Variants in EPN2 observed in about 807,000 individuals in gnomAD.
EPN2 encodes epsin-2.
EPN2 carries 34 observed loss-of-function variants against 61.7 expected under a neutral mutation model. That is an observed-to-expected ratio of 0.55 (90% CI 0.42 to 0.73). The LOEUF (loss-of-function observed/expected upper bound fraction) is 0.73. Among genes scored for constraint, EPN2 ranks in the 30% least tolerant of loss-of-function variants. The pLI is 0.00. For synonymous variants in EPN2, 349 were observed against 353.6 expected, an observed-to-expected ratio of 0.99 and a Z score of 0.15; for missense variants, 714 against 839.2, an observed-to-expected ratio of 0.85 and a Z score of 1.84.
chr17:19,238,137 G>C (rs1268436713), intron 1 of EPN2, among the ~76,000 whole-genome samples: 1 of 152,228 alleles, frequency 6.6e-6, no homozygotes, highest in African/African-American at 2.4e-5. Context: ...CACTCCCACG[G>C]AACAGCGGGG....
At chr17:19,293,320 C>A (rs2045483073) in intron 4 of EPN2, among the ~76,000 whole-genome samples, 1 of 145,676 alleles carries the variant, frequency 6.9e-6, no homozygotes, top group South Asian at 2.1e-4. Context: ...GCAGAGGTTG[C>A]AGTGAGCCGA....
At chr17:19,253,879 A>C (rs2045044046) in intron 1 of EPN2, among the ~76,000 whole-genome samples, 1 of 152,210 alleles carries the variant, frequency 6.6e-6, no homozygotes, top group South Asian at 2.1e-4. Flanking sequence ...TCATACATGT[A>C]ATACCAGCAC....
At chr17:19,290,268 G>T (rs1289140781) in intron 4 of EPN2, among the ~76,000 whole-genome samples, 1 of 152,166 alleles carries the variant, frequency 6.6e-6, no homozygotes, top group Non-Finnish European at 1.5e-5. Context: ...GCAACCTGGT[G>T]GGGGTGAGCA....
chr17:19,250,412 A>G (rs2045002689), intron 1 of EPN2, among the ~76,000 whole-genome samples: 2 of 152,014 alleles, frequency 1.3e-5, no homozygotes, highest in Admixed American at 6.5e-5. Context: ...CTTAAATTCT[A>G]ACTGCTACCT....
intron 1 of EPN2, among the ~76,000 whole-genome samples, chr17:19,239,933 A>G (rs1443569422): frequency 2.6e-5 from 4 of 152,178 alleles, no homozygotes; most frequent in African/African-American, 7.2e-5. Context: ...GGATTTCCCA[A>G]GAATTGGGAT....
rs1355330075 is a variant in EPN2 at position 19,295,356 on chromosome 17, A to ACGCG, written c.766+9567_766+9568insGCGC. 2.1e-3 allele frequency among the ~76,000 whole-genome samples: 137 copies of ACGCG among 66,532 alleles called. 1 individual carries two copies. The highest frequency in any genetic ancestry group is 6.4e-3 in the East Asian group (21 of 3,270). 43.6% of individuals were successfully genotyped at this position (66,532 alleles called of 152,430 possible). A position where few individuals can be genotyped will look rare whatever the true frequency, so the allele number is the denominator to read the frequency against. ...CTATTAAAAATACACACACACACAC[A>ACGCG]CACACACACACGCGCGTGCGCGCAA... On this transcript the variant is annotated intron_variant, in intron 4 of 10. Coordinates refer to ENST00000314728, the MANE Select transcript of EPN2 (RefSeq NM_014964.5).
chr17:19,281,260 G>A (rs375227906), intron 1 of EPN2, among the ~76,000 whole-genome samples: 15 of 152,138 alleles, frequency 9.9e-5, no homozygotes, highest in Non-Finnish European at 1.5e-4. Flanking sequence ...GGTCTTTCTG[G>A]TAACCAGCCC....
chr17:19,238,631 G>T (rs903881653), intron 1 of EPN2, among the ~76,000 whole-genome samples: 3 of 152,188 alleles, frequency 2.0e-5, no homozygotes, highest in South Asian at 2.1e-4. Context: ...CCAAGGTCAC[G>T]CAGTGATACT....
At chr17:19,300,678 T>C (rs1169252635) in intron 4 of EPN2, among the ~76,000 whole-genome samples, 2 of 152,182 alleles carry the variant, frequency 1.3e-5, no homozygotes, top group African/African-American at 4.8e-5. Flanking sequence ...TCCATCCGCC[T>C]TGGCCTCCCA....
In EPN2 at chr17:19,320,785, C is replaced by G. The variant is rs1598020999; in HGVS notation, c.1147+7506C>G. Among the ~76,000 whole-genome samples, 5 of 152,276 alleles carry G rather than the reference C, an allele frequency of 3.3e-5. No individual in the cohort carries two copies. The South Asian group carries it at 1.0e-3, about 32-fold the overall frequency. ...CTAATCTGGTTGTGTTTCTGAGCCCCTGAATTGGACATTTATCCAGAACCT... is the reference window on the plus strand; with the variant it reads ...CTAATCTGGTTGTGTTTCTGAGCCCGTGAATTGGACATTTATCCAGAACCT... On this transcript the variant is annotated intron_variant, in intron 7 of 10. Transcript: ENST00000314728.
At chr17:19,280,682 A>G (rs994864688) in intron 1 of EPN2, among the ~76,000 whole-genome samples, 5 of 152,112 alleles carry the variant, frequency 3.3e-5, no homozygotes, top group Admixed American at 3.3e-4. Context: ...CTATTTTCTC[A>G]CTTAACAGCA....
intron 7 of EPN2, among the ~76,000 whole-genome samples, chr17:19,326,482 C>T (rs905705719): frequency 4.6e-5 from 7 of 151,966 alleles, no homozygotes; most frequent in African/African-American, 9.7e-5. Flanking sequence ...GTCAGGAGAT[C>T]GAGACCATCC....
intron 1 of EPN2, among the ~76,000 whole-genome samples, chr17:19,247,117 T>C (rs1244755861): frequency 7.2e-5 from 11 of 152,178 alleles, no homozygotes; most frequent in African/African-American, 1.9e-4. Context: ...ATATAATGAC[T>C]ATACTATGGA....
At chr17:19,262,491 A>G (rs2045152910) in intron 1 of EPN2, among the ~76,000 whole-genome samples, 1 of 152,218 alleles carries the variant, frequency 6.6e-6, no homozygotes, top group Admixed American at 6.5e-5. Flanking sequence ...CAAAAACAAA[A>G]CAAAACAAAA....
intron 1 of EPN2, among the ~76,000 whole-genome samples, chr17:19,261,266 C>G (rs1221573459): frequency 6.6e-6 from 1 of 152,216 alleles, no homozygotes; most frequent in Non-Finnish European, 1.5e-5. Flanking sequence ...AAGGTGTAGT[C>G]AAATGCTTGG....
chr17:19,318,465 G>T (rs968794047), intron 7 of EPN2, among the ~76,000 whole-genome samples: 1 of 147,504 alleles, frequency 6.8e-6, no homozygotes, highest in Non-Finnish European at 1.5e-5. Context: ...AGGGAGAATC[G>T]CTTGAACCCG....
intron 7 of EPN2, 155 bp downstream of exon 7, chr17:19,313,434 G>A: frequency 1.8e-6 from 1 of 547,288 alleles, no homozygotes; most frequent in Non-Finnish European, 3.0e-6. Context: ...ACTGGCCCTT[G>A]CCCTCCTCCT....
intron 7 of EPN2, among the ~76,000 whole-genome samples, chr17:19,314,514 T>C (rs1188564877): frequency 1.3e-5 from 2 of 152,086 alleles, no homozygotes; most frequent in African/African-American, 4.8e-5. Flanking sequence ...AGGGCCCAGA[T>C]CACTCAGGGC....
At chr17:19,322,653 T>C (rs1375895196) in intron 7 of EPN2, among the ~76,000 whole-genome samples, 1 of 150,084 alleles carries the variant, frequency 6.7e-6, no homozygotes, top group African/African-American at 2.5e-5. Flanking sequence ...AGTGGGAGGA[T>C]CCCTTGAGCC....
Sources: allele counts gnomAD v4.1 joint callset (sites outside exome capture counted in the v4.1 genomes callset), GRCh38; gene constraint gnomAD v4.1.1; transcripts MANE v1.5; gene names NCBI Gene and HGNC (gene_info 2026-07-23, HGNC 2026-07-21).